Variants in STON2 observed in about 807,000 individuals in gnomAD.
The protein encoded by STON2 is stonin-2.
A neutral mutation model predicts 65.7 loss-of-function variants in STON2; 29 were observed. The observed-to-expected ratio is 0.44, with a 90% confidence interval of 0.33 to 0.60. STON2 has a LOEUF of 0.60. Ranked by LOEUF, STON2 falls within the 20% of genes least tolerant of loss-of-function variation. The pLI is 0.03. For synonymous variants in STON2, 404 were observed against 414.2 expected, an observed-to-expected ratio of 0.98 and a Z score of 0.30; for missense variants, 1,054 against 1,118.1, an observed-to-expected ratio of 0.94 and a Z score of 0.82.
intron 2 of STON2, among the ~76,000 whole-genome samples, chr14:81,420,504 C>T (rs1012204686): frequency 1.4e-4 from 22 of 152,142 alleles, no homozygotes; most frequent in African/African-American, 5.3e-4. Context: ...AGAGAGAGGA[C>T]TAAGATCCAG....
intron 4 of STON2, among the ~76,000 whole-genome samples, chr14:81,339,280 T>A (rs764471398): frequency 2.2e-4 from 34 of 152,150 alleles, no homozygotes; most frequent in Non-Finnish European, 2.6e-4. Context: ...CTAGGAAAGG[T>A]TAAACCCCAG....
chr14:81,283,593 C>A (rs1028408699), intron 5 of STON2, among the ~76,000 whole-genome samples: 3 of 147,526 alleles, frequency 2.0e-5, no homozygotes, highest in Non-Finnish European at 4.4e-5. Context: ...TGCAGTGGCG[C>A]TATCTCGGCT....
At chr14:81,275,156 C>T (rs748977464) in intron 6 of STON2, among the ~76,000 whole-genome samples, 1 of 151,930 alleles carries the variant, frequency 6.6e-6, no homozygotes, top group Non-Finnish European at 1.5e-5. Context: ...TAATAATAAA[C>T]CTTCATGCAG....
chr14:81,428,836 AG>A (rs1263459915), intron 1 of STON2, among the ~76,000 whole-genome samples: 1 of 152,190 alleles, frequency 6.6e-6, no homozygotes, highest in African/African-American at 2.4e-5. Context: ...TTTTTAAACC[AG>A]TTAGCTAACT....
intron 4 of STON2, among the ~76,000 whole-genome samples, chr14:81,361,065 C>G (rs1384208436): frequency 1.3e-5 from 2 of 151,962 alleles, no homozygotes; most frequent in Admixed American, 1.3e-4. Flanking sequence ...ATGACCATAC[C>G]ACCCAAAGCA....
rs1894385323 is a variant in STON2 at position 81,267,088 on chromosome 14, A to G, written c.*1326T>C. 2.0e-6 allele frequency: 2 copies of G among 985,172 alleles called. No homozygotes were observed. Among genetic ancestry groups the G allele is most frequent in the South Asian group, 9.4e-5 (2 of 21,288 alleles). The allele number at this position is 985,172 out of a possible 1,614,324, so 61.0% of individuals were successfully genotyped here. On this transcript the variant is annotated 3_prime_UTR_variant, in exon 8 of 8. Transcript: ENST00000614646. Reference sequence around the variant, plus strand: ...TATTTTTCATTTCTGCATCATCTACAAATCCAATGAAGTGTGCTTTCTGTC... The same window carrying G: ...TATTTTTCATTTCTGCATCATCTACGAATCCAATGAAGTGTGCTTTCTGTC...
rs181064045 is a variant in STON2 at position 81,269,310 on chromosome 14, C to T, written c.2785-813G>A. 2,940 of 985,376 alleles carry T rather than the reference C, an allele frequency of 3.0e-3. 5 individuals are homozygous for T. The highest frequency in any genetic ancestry group is 3.3e-3 in the Non-Finnish European group (2,706 of 829,866). The allele number at this position is 985,376 out of a possible 1,614,324, so 61.0% of individuals were successfully genotyped here. ...CATGAGCCACAGCACCCGGCCACCT[C>T]CAGTACTTTCTCTCTTTAGAAAACC... On this transcript the variant is annotated intron_variant, in intron 7 of 7. Transcript: ENST00000614646.
chr14:81,371,676 T>TAAAAAAAA (rs34428344), intron 3 of STON2, among the ~76,000 whole-genome samples: 10 of 97,656 alleles, frequency 1.0e-4, no homozygotes, highest in East Asian at 4.8e-4. Context: ...AGACTGAGTC[T>TAAAAAAAA]AAAAAAAAAA....
chr14:81,266,210 G>C lies in STON2; in HGVS notation c.*2204C>G. On this transcript the variant is annotated 3_prime_UTR_variant, in exon 8 of 8. Coordinates refer to ENST00000614646, the MANE Select transcript of STON2 (RefSeq NM_001394390.1). ...TTCCCTTTCACAGCACGTGGGATAG[G>C]TGGTTATTTTAACTGTTGGGCATTC... is the stretch of plus-strand genomic sequence containing the variant. 1.7e-6 allele frequency: 1 copy of C among 605,026 alleles called. No individual in the cohort carries two copies. The highest frequency in any genetic ancestry group is 2.1e-6 in the Non-Finnish European group (1 of 482,796). 37.5% of individuals were successfully genotyped at this position (605,026 alleles called of 1,614,324 possible).
chr14:81,285,106 G>A (rs1372322135), intron 5 of STON2, among the ~76,000 whole-genome samples: 1 of 152,200 alleles, frequency 6.6e-6, no homozygotes, highest in Non-Finnish European at 1.5e-5. Flanking sequence ...GCCTGCAGCC[G>A]TGGAACACAA....
chr14:81,264,190 T>C lies in STON2; in HGVS notation c.*4224A>G. 4 of 985,464 alleles carry C rather than the reference T, an allele frequency of 4.1e-6. No homozygotes were observed. The highest frequency in any genetic ancestry group is 4.8e-6 in the Non-Finnish European group (4 of 829,938). 61.0% of individuals were successfully genotyped at this position (985,464 alleles called of 1,614,324 possible). ...CTATGCTTTGGGGCACAAAAATGTT[T>C]TTCAATGTGAATGAGGTACATTGTA... On this transcript the variant is annotated 3_prime_UTR_variant, in exon 8 of 8. Coordinates refer to ENST00000614646, the MANE Select transcript of STON2 (RefSeq NM_001394390.1).
Position 81,395,970 on chromosome 14 carries a change from G to A in STON2, c.297C>T (p.Ile99=). Residue 99 remains isoleucine, a synonymous_variant, in exon 3 of 8, where the codon ATC becomes ATT. Coordinates refer to ENST00000614646, the MANE Select transcript of STON2 (RefSeq NM_001394390.1). ...CATCTTCAAACTGAACCCAGTTGCT[G>A]ATGGCCGAGGCCAGGTCAGGTGGGG... ...EQPPPDLASA[I]SNWVQFEDDT... 1 of 1,614,196 alleles carries A rather than the reference G, an allele frequency of 6.2e-7. No individual in the cohort carries two copies. The highest frequency in any genetic ancestry group is 8.5e-7 in the Non-Finnish European group (1 of 1,180,028).
At chr14:81,323,313 T>G (rs1367375944) in intron 5 of STON2, among the ~76,000 whole-genome samples, 1 of 152,192 alleles carries the variant, frequency 6.6e-6, no homozygotes, top group Admixed American at 6.5e-5. Context: ...GCACAAAACC[T>G]GCTTCCCAGC....
At position 81,371,616 on chromosome 14, in the gene STON2, A is replaced by G. The variant is rs150377770; in HGVS notation, c.374-431T>C. Among the ~76,000 whole-genome samples the G allele has an allele frequency of 1.7e-3, 239 of 144,022 alleles. 1 individual carries two copies. Among genetic ancestry groups the G allele is most frequent in the African/African-American group, 5.8e-3 (225 of 38,692 alleles). 94.5% of individuals were successfully genotyped at this position (144,022 alleles called of 152,430 possible). ...AGGCTGAGATAGGAGAATGGCGTGA[A>G]CCCAGGAGGCGGAGCTTGCAGCACT... On this transcript the variant is annotated intron_variant, in intron 3 of 7. Transcript: ENST00000614646.
chr14:81,263,482 G>A lies in STON2; in HGVS notation c.*4932C>T, dbSNP rs1233844708. Reference sequence around the variant, plus strand: ...GAACCCGGGAGGCGGAGGTTGCAGTGAGCCGATGTCGTGCCACTGCACTCT... The same window carrying A: ...GAACCCGGGAGGCGGAGGTTGCAGTAAGCCGATGTCGTGCCACTGCACTCT... On this transcript the variant is annotated 3_prime_UTR_variant, in exon 8 of 8. Transcript: ENST00000614646. Among the ~76,000 whole-genome samples, 1 of 138,666 alleles carries A rather than the reference G, an allele frequency of 7.2e-6. No homozygotes were observed. Among genetic ancestry groups the A allele is most frequent in the Non-Finnish European group, 1.5e-5 (1 of 65,976 alleles). 91.0% of individuals were successfully genotyped at this position (138,666 alleles called of 152,430 possible).
chr14:81,374,344 C>T (rs542922918), intron 3 of STON2, among the ~76,000 whole-genome samples: 118 of 152,072 alleles, frequency 7.8e-4, no homozygotes, highest in African/African-American at 2.7e-3. Context: ...AGGAAGATAC[C>T]TTCAAACCAG....
chr14:81,420,318 A>C lies in STON2; in HGVS notation c.-199+6784T>G, dbSNP rs138149971. Among the ~76,000 whole-genome samples the C allele has an allele frequency of 1.2e-4, 19 of 152,354 alleles. No homozygotes were observed. In the East Asian group the frequency reaches 3.1e-3, roughly 25 times the overall value. Reference sequence around the variant, plus strand: ...TGCTGGTATGCAATGTCACATGCGTAGAATATAAAGAGATGATCTAATAGG... The same window carrying C: ...TGCTGGTATGCAATGTCACATGCGTCGAATATAAAGAGATGATCTAATAGG... On this transcript the variant is annotated intron_variant, in intron 2 of 8. Transcript: ENST00000553821.
intron 5 of STON2, among the ~76,000 whole-genome samples, chr14:81,295,382 G>A (rs1895722354): frequency 6.6e-6 from 1 of 152,112 alleles, no homozygotes; most frequent in Admixed American, 6.6e-5. Context: ...AAGCATTCTT[G>A]GAACATTTAT....
chr14:81,356,608 G>T (rs535391315), intron 4 of STON2, among the ~76,000 whole-genome samples: 10 of 152,124 alleles, frequency 6.6e-5, no homozygotes, highest in Non-Finnish European at 1.2e-4. Context: ...TGTACCTCTG[G>T]TAGAATTCGG....
Sources: allele counts gnomAD v4.1 joint callset (sites outside exome capture counted in the v4.1 genomes callset), GRCh38; gene constraint gnomAD v4.1.1; transcripts MANE v1.5; gene names NCBI Gene and HGNC (gene_info 2026-07-23, HGNC 2026-07-21).